The following RIF1 variants were observed in gnomAD, a reference collection of about 807,000 sequenced individuals.
RIF1 encodes the protein replication timing regulatory factor 1, also known as telomere-associated protein RIF1.
RIF1 carries 45 observed loss-of-function variants against 247.1 expected under a neutral mutation model. The observed-to-expected ratio is 0.18, with a 90% confidence interval of 0.14 to 0.23. The LOEUF is 0.23. RIF1 is among the 10% of genes least tolerant of loss of function. RIF1 has a pLI of 1.00. For synonymous variants in RIF1, 1,087 were observed against 978.8 expected (o/e 1.11, Z -2.06); for missense variants, 2,967 against 2,862.5 (o/e 1.04, Z -0.83).
At chr2:151,412,629 A>C (rs1003811987) in intron 3 of RIF1, among the ~76,000 whole-genome samples, 4 of 152,078 alleles carry the variant, frequency 2.6e-5, no homozygotes, top group Non-Finnish European at 2.9e-5. Context: ...CTGGGATTAC[A>C]GGCATGCCCC....
rs761376000 is a variant in RIF1, at chr2:151,468,005, C to T, written c.6606C>T (p.Arg2202=). Residue 2202 remains arginine (R), a synonymous_variant, in exon 31 of 36, where the codon CGC becomes CGT. Coordinates refer to ENST00000444746, the MANE Select transcript of RIF1 (RefSeq NM_018151.5). ...ATCCTGACCTGTGTTTTCAGGTTCG[C>T]CGTGTCTCCTTTGCAGATCCAATAT... ...DEISSPVNKV[R]RVSFADPIYQ... The T allele has an allele frequency of 1.0e-5, 16 of 1,604,622 alleles. No homozygotes were observed. Among genetic ancestry groups the T allele is most frequent in the Admixed American group, 1.7e-5 (1 of 57,836 alleles).
At chr2:151,415,605 G>A (rs531532659) in intron 4 of RIF1, among the ~76,000 whole-genome samples, 2 of 147,118 alleles carry the variant, frequency 1.4e-5, no homozygotes, top group African/African-American at 4.9e-5. Flanking sequence ...TGGGTGCAGT[G>A]TCTCATGCCT....
At chr2:151,454,837 C>A in intron 21 of RIF1, 58 bp from the exon 22 acceptor site, 1 of 1,275,470 alleles carries the variant, frequency 7.8e-7, no homozygotes, top group Non-Finnish European at 1.1e-6. Flanking sequence ...TAAAAGTGGA[C>A]AGTGACTCCT....
the RIF1 span, chr2:151,524,705 T>TG: frequency 1.9e-6 from 2 of 1,065,186 alleles, no homozygotes; most frequent in African/African-American, 3.4e-5. Flanking sequence ...CTCACTCTGT[T>TG]GCCCAGGCTT....
the RIF1 span, among the ~76,000 whole-genome samples, chr2:151,513,254 A>T: frequency 7.2e-5 from 11 of 152,216 alleles, no homozygotes; most frequent in African/African-American, 2.7e-4. Flanking sequence ...TAAGCAAGGA[A>T]TTCCTGGCAT....
In RIF1 at chr2:151,474,045, T is replaced by C. The variant is rs2048785564; in HGVS notation, c.7177T>C (p.Ser2393Pro). The change falls in exon 35 of 36, where the codon TCA becomes CCA. Residue 2393 changes from serine to proline, a missense_variant. Physicochemically the swap from Ser to Pro is moderately conservative, Grantham distance 74. Coordinates refer to ENST00000444746, the MANE Select transcript of RIF1 (RefSeq NM_018151.5). ...TVNGIENKSLSPDEERLVSDI... is the reference protein window; with the variant it reads ...TVNGIENKSLPPDEERLVSDI... Reference sequence around the variant, plus strand: ...AAATGGAATAGAAAATAAATCTTTGTCACCTGATGAAGAAAGACTTGTCTC... The same window carrying C: ...AAATGGAATAGAAAATAAATCTTTGCCACCTGATGAAGAAAGACTTGTCTC... The C allele has an allele frequency of 1.3e-6, 2 of 1,555,572 alleles. No individual in the cohort carries two copies. Among genetic ancestry groups the C allele is most frequent in the Admixed American group, 1.7e-5 (1 of 58,830 alleles).
chr2:151,461,548 C>T (rs1171684656), intron 27 of RIF1, among the ~76,000 whole-genome samples: 3 of 151,912 alleles, frequency 2.0e-5, no homozygotes, highest in Admixed American at 6.6e-5. Context: ...TGTGCCACCA[C>T]GCCCGGCTAA....
At chr2:151,501,519 AC>A in intron 11 of RIF1, 1 of 1,249,254 alleles carries the variant, frequency 8.0e-7, no homozygotes, top group Non-Finnish European at 1.1e-6. Context: ...ATCAACCTGG[AC>A]CCATCATTTT....
chr2:151,482,554 G>A (rs2049211537), downstream of RIF1, among the ~76,000 whole-genome samples: 1 of 152,126 alleles, frequency 6.6e-6, no homozygotes, highest in Admixed American at 6.6e-5. Flanking sequence ...AGGTGGCACT[G>A]CCAGGCTAGT....
chr2:151,516,614 C>G, the RIF1 span: 1 of 1,215,686 alleles, frequency 8.2e-7, no homozygotes, highest in Non-Finnish European at 1.2e-6. Context: ...AATTCCTAGA[C>G]AGCAGTTTAA....
intron 11 of RIF1, among the ~76,000 whole-genome samples, chr2:151,499,694 A>C (rs3213816): frequency 6.6e-6 from 1 of 152,394 alleles, no homozygotes; most frequent in East Asian, 1.9e-4. Flanking sequence ...CTCAGTGTAC[A>C]ATAGAAAAAT....
At chr2:151,490,919 A>G (rs2055985688) in intron 9 of RIF1, among the ~76,000 whole-genome samples, 1 of 152,232 alleles carries the variant, frequency 6.6e-6, no homozygotes, top group African/African-American at 2.4e-5. Flanking sequence ...GTGTTCCCAA[A>G]ATACCATGGG....
At chr2:151,512,723 A>G (rs2153272094), downstream of RIF1, 3 of 1,597,566 alleles carry the variant, frequency 1.9e-6, no homozygotes, top group Non-Finnish European at 2.6e-6. Context: ...GGCATGACGA[A>G]TGTCCTTACC....
chr2:151,422,189 T>C (rs1688302935), intron 7 of RIF1, among the ~76,000 whole-genome samples: 1 of 152,202 alleles, frequency 6.6e-6, no homozygotes, highest in African/African-American at 2.4e-5. Context: ...TGAAATTCTT[T>C]ATATAAATTT....
intron 10 of RIF1, chr2:151,498,332 CAGGTTTTCTTTGTAT>C: frequency 6.4e-7 from 1 of 1,550,990 alleles, no homozygotes; most frequent in Non-Finnish European, 8.7e-7. Context: ...TTCCTGTCCC[CAGGTTTTCTTTGTAT>C]AGCACCTGTA....
chr2:151,471,458 A>G (rs893327979), intron 34 of RIF1, among the ~76,000 whole-genome samples: 11 of 152,256 alleles, frequency 7.2e-5, no homozygotes, highest in Middle Eastern at 3.4e-3. Flanking sequence ...CCTATGTCCC[A>G]AATGGTATTG....
At chr2:151,534,286 CT>C in the RIF1 span, 1 of 1,613,658 alleles carries the variant, frequency 6.2e-7, no homozygotes, top group South Asian at 1.1e-5. Context: ...TGGTATTTAT[CT>C]TTCCGCTGCT....
chr2:151,507,738 C>T (rs2070479633), exon 14 of RIF1: 2 of 383,136 alleles, frequency 5.2e-6, no homozygotes, highest in Non-Finnish European at 9.5e-6. Context: ...GGGGTTTTCG[C>T]CATGAACCTT....
chr2:151,533,470 G>A, the RIF1 span: 3 of 1,551,152 alleles, frequency 1.9e-6, no homozygotes, highest in Non-Finnish European at 8.7e-7. Flanking sequence ...ATTGTAGAGA[G>A]CAGTCAACAT....
Sources: gnomAD v4.1 joint callset for allele counts (sites outside exome capture counted in the v4.1 genomes callset) on GRCh38, gnomAD v4.1.1 for gene constraint, MANE v1.5 for transcripts, NCBI Gene and HGNC (gene_info 2026-07-23, HGNC 2026-07-21) for gene names.